The following MICAL2 variants were observed in gnomAD, a reference collection of about 807,000 sequenced individuals.
MICAL2 encodes [F-actin]-monooxygenase MICAL2.
Under a neutral mutation model 127.3 loss-of-function variants are expected in MICAL2, and 77 were observed. That is an observed-to-expected ratio of 0.60 (90% CI 0.50 to 0.73). MICAL2 has a LOEUF of 0.73. Ranked by LOEUF, MICAL2 falls within the 30% of genes least tolerant of loss-of-function variation. The pLI is 0.00. For missense variants in MICAL2, 1,351 were observed against 1,434.4 expected, an observed-to-expected ratio of 0.94 and a Z score of 0.94; for synonymous variants, 570 against 551.1, an observed-to-expected ratio of 1.03 and a Z score of -0.48.
At chr11:12,255,472 C>T in intron 22 of MICAL2, 171 bp from the exon 23 acceptor site, 1 of 608,968 alleles carries the variant, frequency 1.6e-6, no homozygotes, top group South Asian at 2.0e-5. Flanking sequence ...TTCTCCACCT[C>T]CAGAATCCCC....
At chr11:12,125,074 C>T (rs550610967) in intron 1 of MICAL2, among the ~76,000 whole-genome samples, 12 of 152,336 alleles carry the variant, frequency 7.9e-5, no homozygotes, top group South Asian at 2.1e-4. Context: ...GGGCTTCCTG[C>T]GCTCTCAGGG....
rs766395464 is a variant in MICAL2, at chr11:12,242,637, C to G, written c.2557-34C>G. On this transcript the variant is annotated intron_variant, in intron 19 of 27. Coordinates refer to ENST00000683283, the MANE Select transcript of MICAL2 (RefSeq NM_001282663.2). ...ACTGTCTCAGTCTCTGTCACTATCT[C>G]TCTTTTCTTTCTCCTTTCTCACCTT... 3 of 1,585,794 alleles carry G rather than the reference C, an allele frequency of 1.9e-6. No homozygotes were observed. In the South Asian group the frequency reaches 3.3e-5, roughly 18 times the overall value.
chr11:12,217,033 G>A (rs1481201492), intron 8 of MICAL2, among the ~76,000 whole-genome samples: 1 of 152,160 alleles, frequency 6.6e-6, no homozygotes, highest in Non-Finnish European at 1.5e-5. Context: ...GTGGCCTTGC[G>A]ACTTCATGCT....
In MICAL2 at chr11:12,284,480, C is replaced by T. The variant is rs113297239; in HGVS notation, c.255-2607C>T. ...TCATTACTACCCACCCTATTGTTCC[C>T]GTTGTGGTAAAAATGTGTGCATGTG... On this transcript the variant is annotated intron_variant, in intron 2 of 2. Transcript: ENST00000529028. Among the ~76,000 whole-genome samples, 753 of 152,168 alleles carry T rather than the reference C, an allele frequency of 4.9e-3. 16 individuals carry two copies. Among genetic ancestry groups the T allele is most frequent in the South Asian group, 0.042 (202 of 4,830 alleles).
intron 6 of MICAL2, among the ~76,000 whole-genome samples, chr11:12,211,284 G>T (rs1451988781): frequency 6.6e-6 from 1 of 152,190 alleles, no homozygotes; most frequent in Non-Finnish European, 1.5e-5. Flanking sequence ...GGGAGGCTGA[G>T]GCAGGAGAAT....
At chr11:12,314,259 T>C (rs1864207067) in intron 29 of MICAL2, among the ~76,000 whole-genome samples, 1 of 152,032 alleles carries the variant, frequency 6.6e-6, no homozygotes, top group Admixed American at 6.6e-5. Flanking sequence ...TTCTCTTTTC[T>C]TGCTTTATTT....
At chr11:12,296,593 A>G (rs1228299723), downstream of MICAL2, among the ~76,000 whole-genome samples, 1 of 149,902 alleles carries the variant, frequency 6.7e-6, no homozygotes, top group Non-Finnish European at 1.5e-5. Context: ...GCATTTTTTG[A>G]TAATACATTT....
rs201614434 is a variant in MICAL2, at chr11:12,220,246, C to G, written c.994C>G (p.Gln332Glu). Residue 332 changes from glutamine to glutamate, a missense_variant, in exon 9 of 28, where the codon CAA (glutamine) becomes GAA (glutamate). Gln to Glu is a conservative substitution (Grantham distance 29). Coordinates refer to ENST00000683283, the MANE Select transcript of MICAL2 (RefSeq NM_001282663.2). ...GCTGCTGTGTGCGGAGAACGTGAAC[C>G]AAGACAACCTGCTATCCTATGCCCG... ...EMLLCAENVNQDNLLSYAREA... is the reference protein window; with the variant it reads ...EMLLCAENVNEDNLLSYAREA... 1.9e-6 allele frequency: 3 copies of G among 1,614,190 alleles called. No homozygotes were observed. The highest frequency in any genetic ancestry group is 1.7e-5 in the Admixed American group (1 of 60,016).
At chr11:12,321,983 A>G (rs1161515364) in intron 30 of MICAL2, among the ~76,000 whole-genome samples, 1 of 152,074 alleles carries the variant, frequency 6.6e-6, no homozygotes, top group Non-Finnish European at 1.5e-5. Context: ...ACCAAATGAA[A>G]TGTGGATACT....
upstream of MICAL2, chr11:12,274,450 A>C (rs1863704285): frequency 6.6e-6 from 1 of 152,246 alleles, no homozygotes; most frequent in South Asian, 2.1e-4. Flanking sequence ...AGTTTATTGG[A>C]GGGTGAGACA....
intron 10 of MICAL2, 99 bp from the exon 11 acceptor site, chr11:12,222,518 A>G: frequency 2.0e-6 from 3 of 1,483,312 alleles, no homozygotes; most frequent in Non-Finnish European, 2.8e-6. Flanking sequence ...CATGTCCAGG[A>G]AGCCCTTGAG....
At chr11:12,243,797 A>T (rs1860316179) in intron 20 of MICAL2, among the ~76,000 whole-genome samples, 190 bp from the exon 21 acceptor site, 1 of 152,240 alleles carries the variant, frequency 6.6e-6, no homozygotes, top group Non-Finnish European at 1.5e-5. Flanking sequence ...TTGCAGCAGA[A>T]TGCAGTGTAA....
intron 29 of MICAL2, among the ~76,000 whole-genome samples, chr11:12,302,986 A>G (rs1311966597): frequency 6.6e-6 from 1 of 152,206 alleles, no homozygotes; most frequent in Non-Finnish European, 1.5e-5. Flanking sequence ...GAAATTTACA[A>G]TCGTGGTGGA....
Position 12,358,403 on chromosome 11 carries a change from G to GC in MICAL2, c.5799dup (p.Ile1934HisfsTer11). 6.2e-7 allele frequency: 1 copy of GC among 1,614,124 alleles called. No homozygotes were observed. The highest frequency in any genetic ancestry group is 8.5e-7 in the Non-Finnish European group (1 of 1,180,030). On this transcript the variant is annotated frameshift_variant, in exon 35 of 35. Transcript: ENST00000646065. LOFTEE classifies it high-confidence loss of function. ...CTCGTCGATTCCTTAGAGGAACAAC[G>GC]CATCAGAGAAAAAGCCGAGGACCAG... is the stretch of plus-strand genomic sequence containing the variant.
In MICAL2 at chr11:12,248,932, A is replaced by G. The variant is rs115706840; in HGVS notation, c.2785-252A>G. On this transcript the variant is annotated intron_variant, in intron 21 of 27. Transcript: ENST00000683283. ...AAGAAGGATATGAGTTTCAAATCAG[A>G]CTTCAGTTCAGAGCACCAATTACTC... 6.4e-3 allele frequency among the ~76,000 whole-genome samples: 968 copies of G among 152,278 alleles called. 9 individuals are homozygous for G. Among genetic ancestry groups the G allele is most frequent in the African/African-American group, 0.023 (935 of 41,542 alleles).
intron 29 of MICAL2, among the ~76,000 whole-genome samples, chr11:12,306,288 T>G (rs1259641230): frequency 6.6e-6 from 1 of 152,186 alleles, no homozygotes; most frequent in African/African-American, 2.4e-5. Flanking sequence ...TTCAACATTT[T>G]TTTTTTGAGA....
intron 8 of MICAL2, among the ~76,000 whole-genome samples, chr11:12,217,023 G>A (rs879714477): frequency 1.3e-5 from 2 of 152,120 alleles, no homozygotes; most frequent in Admixed American, 6.5e-5. Context: ...CCTCTGCTTC[G>A]TGGCCTTGCG....
At chr11:12,303,963 C>T (rs1031745596) in intron 29 of MICAL2, among the ~76,000 whole-genome samples, 2 of 151,880 alleles carry the variant, frequency 1.3e-5, no homozygotes, top group African/African-American at 2.4e-5. Flanking sequence ...ACCAGGAGGT[C>T]GAGGTTCAGT....
At chr11:12,258,437 T>G in intron 24 of MICAL2, 31 bp from the exon 25 acceptor site, 1 of 1,584,576 alleles carries the variant, frequency 6.3e-7, no homozygotes, top group Non-Finnish European at 8.7e-7. Context: ...AGGAGAAAAA[T>G]TTTTCTGTAT....
Sources: allele counts gnomAD v4.1 joint callset (sites outside exome capture counted in the v4.1 genomes callset), GRCh38; gene constraint gnomAD v4.1.1; transcripts MANE v1.5; gene names NCBI Gene and HGNC (gene_info 2026-07-23, HGNC 2026-07-21).